The following ZNF263 variants were observed in gnomAD, a reference collection of about 807,000 sequenced individuals.
ZNF263 encodes zinc finger protein 263, also known as zinc finger protein FPM315.
In ZNF263, 49 loss-of-function variants were observed where a neutral mutation model predicts 63.1. The observed-to-expected ratio is 0.78, with a 90% CI of 0.62 to 0.99. ZNF263 has a LOEUF of 0.99. Among genes scored for constraint, ZNF263 ranks in the 50% least tolerant of loss-of-function variants. The pLI, the probability that ZNF263 is intolerant of heterozygous loss-of-function variation, is 0.00. For synonymous variants in ZNF263, 352 were observed against 324.2 expected (o/e 1.09, Z -0.92); for missense variants, 872 against 854.8 (o/e 1.02, Z -0.25).
chr16:3,300,018 G>T, intron 2 of ZNF263: 1 of 1,614,098 alleles, frequency 6.2e-7, no homozygotes, highest in East Asian at 2.2e-5. Flanking sequence ...TCCCTGGTAG[G>T]CAGATATCTT....
chr16:3,291,509 A>T (rs1959611814), downstream of ZNF263: 5 of 984,942 alleles, frequency 5.1e-6, no homozygotes, highest in South Asian at 2.4e-4. Flanking sequence ...CCGAGTGTTG[A>T]TCTGTCTCCC....
chr16:3,297,453 A>ATTT (rs1567257124), intron 1 of ZNF263, among the ~76,000 whole-genome samples: 1 of 124,966 alleles, frequency 8.0e-6, no homozygotes, highest in African/African-American at 3.0e-5. Flanking sequence ...TCAGAAACAG[A>ATTT]TTCTTTTTTT....
At chr16:3,286,190 T>G (rs1223428378) in intron 4 of ZNF263, 41 bp downstream of exon 4, 1 of 1,552,240 alleles carries the variant, frequency 6.4e-7, no homozygotes, top group East Asian at 2.3e-5. Flanking sequence ...GCGCCATTTC[T>G]GACCAGGGTC....
At chr16:3,296,668 G>C (rs1309734654) in intron 1 of ZNF263, among the ~76,000 whole-genome samples, 1 of 152,154 alleles carries the variant, frequency 6.6e-6, no homozygotes, top group African/African-American at 2.4e-5. Flanking sequence ...TTTTCTACAA[G>C]TTCTGGGTAA....
Position 3,289,920 on chromosome 16 carries a change from T to A in ZNF263, c.1414T>A (p.Ser472Thr). Residue 472 changes from serine to threonine, a missense_variant, in exon 6 of 6, where the codon TCC (serine) becomes ACC (threonine). Transcript: ENST00000219069. ...GTGCAACATTTGCGGAAAATGTTTC[T>A]CCTGCAACTCCAACCTCCACAGGCA... is the stretch of plus-strand genomic sequence containing the variant. ...YQCNICGKCF[S>T]CNSNLHRHQR... 2 of 1,614,138 alleles carry A rather than the reference T, an allele frequency of 1.2e-6. No individual in the cohort carries two copies. Among genetic ancestry groups the A allele is most frequent in the South Asian group, 2.2e-5 (2 of 91,082 alleles).
chr16:3,287,898 T>A (rs981034374), intron 4 of ZNF263, among the ~76,000 whole-genome samples: 1 of 151,754 alleles, frequency 6.6e-6, no homozygotes. Context: ...TTATTTCAAT[T>A]ACAGTAGTGT....
intron 5 of ZNF263, 41 bp from the exon 6 acceptor site, chr16:3,289,352 A>G (rs1274811904): frequency 2.0e-5 from 30 of 1,493,906 alleles, no homozygotes; most frequent in Non-Finnish European, 2.6e-5. Flanking sequence ...TTTCTCCAGC[A>G]TAGAAATAAT....
At chr16:3,296,422 T>C (rs557543463), downstream of ZNF263, among the ~76,000 whole-genome samples, 23 of 152,254 alleles carry the variant, frequency 1.5e-4, no homozygotes, top group Admixed American at 1.3e-3. Flanking sequence ...TGTCCCAGGC[T>C]TGGAAGGTCT....
At chr16:3,300,312 C>G in intron 2 of ZNF263, 1 of 1,614,210 alleles carries the variant, frequency 6.2e-7, no homozygotes, top group Non-Finnish European at 8.5e-7. Context: ...CCTGAAGCTC[C>G]ACGCCTCTTA....
chr16:3,286,394 C>G (rs903268649), intron 4 of ZNF263: 16 of 396,050 alleles, frequency 4.0e-5, no homozygotes, highest in Non-Finnish European at 6.6e-5. Context: ...TGTGCACTTC[C>G]TAGGGCAGAG....
chr16:3,298,056 A>C (rs1305031740), intron 1 of ZNF263, among the ~76,000 whole-genome samples: 3 of 152,230 alleles, frequency 2.0e-5, no homozygotes, highest in Non-Finnish European at 4.4e-5. Context: ...AGTTCATTCT[A>C]TTTGACCTGG....
intron 2 of ZNF263, chr16:3,300,170 C>T (rs1453905151): frequency 6.2e-7 from 1 of 1,614,090 alleles, no homozygotes; most frequent in African/African-American, 1.3e-5. Flanking sequence ...TTTTCAGAAA[C>T]TGAACTTAGG....
In ZNF263 at chr16:3,296,741, T is replaced by A. The variant is rs543318986; in HGVS notation, c.152-2365T>A. 2.6e-5 allele frequency among the ~76,000 whole-genome samples: 4 copies of A among 152,072 alleles called. No homozygotes were observed. In the East Asian group the frequency reaches 7.7e-4, roughly 29 times the overall value. The stretch of plus-strand genomic sequence containing the variant: ...AGGTGAAAATATCAGCAATCACTAC[T>A]AATAAAAAAGGAACCCACTTACAGC... On this transcript the variant is annotated intron_variant, in intron 1 of 2. Coordinates refer to the ZNF263 transcript ENST00000574674.
In ZNF263 at chr16:3,285,732, A is replaced by T; in HGVS notation, c.620A>T (p.Asp207Val). The change falls in exon 3 of 6, where the codon GAC becomes GTC. Residue 207 changes from aspartate (D) to valine (V), a missense_variant. By Grantham distance (152) the Asp-to-Val change is radical. Transcript: ENST00000219069. ...TTTCCTCCTGAAGGGAACATGGAAG[A>T]CAAGGAGATGACTGGGCCCCAGGTG... is the stretch of plus-strand genomic sequence containing the variant. Reference protein sequence around the residue: ...SLFPPEGNMEDKEMTGPQLPE... With the variant: ...SLFPPEGNMEVKEMTGPQLPE... 6.2e-7 allele frequency: 1 copy of T among 1,614,148 alleles called. No homozygotes were observed. Among genetic ancestry groups the T allele is most frequent in the African/African-American group, 1.3e-5 (1 of 75,038 alleles).
In ZNF263 at chr16:3,290,291, AAC is replaced by A. The variant is rs1213966468; in HGVS notation, c.1793_1794del (p.Thr598ArgfsTer6). 6.2e-7 allele frequency: 1 copy of A among 1,613,880 alleles called. No individual in the cohort carries two copies. The highest frequency in any genetic ancestry group is 8.5e-7 in the Non-Finnish European group (1 of 1,180,006). On this transcript the variant is annotated frameshift_variant, in exon 6 of 6. Transcript: ENST00000219069. LOFTEE classifies it high-confidence loss of function. ...GCATGCACCTCACCAGACATCAGAGAACACACACAGGAGAGAAACCGTATAAA... is the reference window on the plus strand; with the variant it reads ...GCATGCACCTCACCAGACATCAGAGAACACACAGGAGAGAAACCGTATAAA... ...QGMHLTRHQR[T>X]HTGEKPYKCT...
rs767872209 is a variant in ZNF263 at position 3,289,826 on chromosome 16, G to A, written c.1320G>A (p.Gly440=). The stretch of plus-strand genomic sequence containing the variant: ...AGGCCCACAAGTGCCTTGAATGTGG[G>A]AAATGCTTCAGTCAGAACACCCATC... ...GEEAHKCLEC[G]KCFSQNTHLT... Residue 440 remains glycine (G), a synonymous_variant, in exon 6 of 6, where the codon GGG becomes GGA. Transcript: ENST00000219069. 1.8e-5 allele frequency: 29 copies of A among 1,614,118 alleles called. No individual in the cohort carries two copies. In the South Asian group the frequency reaches 3.0e-4, roughly 16 times the overall value.
intron 1 of ZNF263, among the ~76,000 whole-genome samples, chr16:3,298,409 G>A (rs867803524): frequency 3.9e-5 from 6 of 152,276 alleles, no homozygotes; most frequent in African/African-American, 1.4e-4. Context: ...TAAGAGATAA[G>A]GTTTTATTTA....
chr16:3,297,450 CAG>C (rs969789750), intron 1 of ZNF263, among the ~76,000 whole-genome samples: 2 of 144,178 alleles, frequency 1.4e-5, no homozygotes, highest in Admixed American at 1.4e-4. Context: ...ATCTCAGAAA[CAG>C]ATTCTTTTTT....
In ZNF263 at chr16:3,283,676, G is replaced by A; in HGVS notation, c.-143G>A. 7.7e-7 allele frequency: 1 copy of A among 1,302,594 alleles called. No homozygotes were observed. Among genetic ancestry groups the A allele is most frequent in the Non-Finnish European group, 9.8e-7 (1 of 1,023,366 alleles). The allele number at this position is 1,302,594 out of a possible 1,614,324, so 80.7% of individuals were successfully genotyped here. ...CTAGGCGCCGGAGCCGGCCGCGCCTGGGCTGGAGCGGGGCTCCTCGGCCTG... is the reference window on the plus strand; with the variant it reads ...CTAGGCGCCGGAGCCGGCCGCGCCTAGGCTGGAGCGGGGCTCCTCGGCCTG... On this transcript the variant is annotated 5_prime_UTR_variant, in exon 1 of 6. Transcript: ENST00000219069.
Sources: allele counts gnomAD v4.1 joint callset (sites outside exome capture counted in the v4.1 genomes callset), GRCh38; gene constraint gnomAD v4.1.1; transcripts MANE v1.5; gene names NCBI Gene and HGNC (gene_info 2026-07-23, HGNC 2026-07-21).